Variants in RMI2 observed in about 807,000 individuals in gnomAD.
The protein encoded by RMI2 is recQ-mediated genome instability protein 2.
A neutral mutation model predicts 8.4 loss-of-function variants in RMI2; 11 were observed. The ratio of observed to expected loss-of-function variants is 1.32; its 90% CI spans 0.83 to 2.18. The LOEUF is 2.18. Ranked by LOEUF, RMI2 falls within the 30% of genes most tolerant of loss-of-function variation. The pLI is 0.00. For synonymous variants in RMI2, 105 were observed against 93.8 expected, an observed-to-expected ratio of 1.12 and a Z score of -0.69; for missense variants, 253 against 207.5, an observed-to-expected ratio of 1.22 and a Z score of -1.35.
At chr16:11,346,255 C>CTT (rs34808246) in intron 1 of RMI2, among the ~76,000 whole-genome samples, 19,406 of 114,834 alleles carry the variant, frequency 0.17, 2,209 homozygotes, top group Non-Finnish European at 0.22. Context: ...TGCCTCCTCT[C>CTT]TTTTTTTTTT....
chr16:11,348,626 TG>T (rs1274627836), intron 1 of RMI2: 1 of 150,754 alleles, frequency 6.6e-6, no homozygotes, highest in Non-Finnish European at 1.5e-5. Context: ...CAGGCAAGAG[TG>T]AGGTGGCGCA....
At chr16:11,348,303 C>T (rs1306806271) in intron 1 of RMI2, 1 of 152,272 alleles carries the variant, frequency 6.6e-6, no homozygotes, top group African/African-American at 2.4e-5. Flanking sequence ...CAACCCTTGG[C>T]CTTAGCCTTG....
In RMI2 at chr16:11,349,174, C is replaced by G. The variant is rs1165302869; in HGVS notation, c.296-1468C>G. The G allele has an allele frequency of 6.6e-6, 1 of 152,334 alleles. No individual in the cohort carries two copies. The highest frequency in any genetic ancestry group is 1.5e-5 in the Non-Finnish European group (1 of 68,092). 9.4% of individuals were successfully genotyped at this position (152,334 alleles called of 1,614,324 possible). A position where few individuals can be genotyped will look rare whatever the true frequency, so the allele number is the denominator to read the frequency against. ...TCAGAGAAACCATGCTTACCTAGAT[C>G]GCGCTTGGATCAACTGAGTTCTGGA... On this transcript the variant is annotated intron_variant, in intron 1 of 1. Transcript: ENST00000312499. This position sits in a 1 kb window ranked among gnomAD's most constrained non-coding sequence, Gnocchi z 4.2.
chr16:11,347,004 C>T (rs7206017), intron 1 of RMI2, among the ~76,000 whole-genome samples: 33,056 of 152,178 alleles, frequency 0.22, 3,781 homozygotes, highest in Non-Finnish European at 0.24. Flanking sequence ...CACATAAGTG[C>T]TCCAAGAACC....
chr16:11,347,691 G>T (rs907603331), intron 1 of RMI2, among the ~76,000 whole-genome samples: 1 of 152,144 alleles, frequency 6.6e-6, no homozygotes, highest in Non-Finnish European at 1.5e-5. Context: ...GCCCTCAGCC[G>T]CAGCGTTGGT....
chr16:11,351,760 C>A lies in RMI2; in HGVS notation c.*970C>A, dbSNP rs950531225. ...CTACCTCTAATAAATTTTTAATAGG[C>A]TGTATGAGTTTTTTTTTTTAATGGA... is the stretch of plus-strand genomic sequence containing the variant. On this transcript the variant is annotated 3_prime_UTR_variant, in exon 2 of 2. Coordinates refer to ENST00000312499, the MANE Select transcript of RMI2 (RefSeq NM_152308.3). The A allele has an allele frequency of 1.5e-5, 3 of 202,078 alleles. No individual in the cohort carries two copies. Among genetic ancestry groups the A allele is most frequent in the Non-Finnish European group, 2.0e-5 (2 of 99,606 alleles). The allele number at this position is 202,078 out of a possible 1,614,324, so 12.5% of individuals were successfully genotyped here. A position where few individuals can be genotyped will look rare whatever the true frequency, so the allele number is the denominator to read the frequency against.
rs374195615 is a variant in RMI2 at position 11,350,702 on chromosome 16, C to T, written c.356C>T (p.Ala119Val). The T allele has an allele frequency of 6.2e-7, 1 of 1,613,164 alleles. No homozygotes were observed. Among genetic ancestry groups the T allele is most frequent in the African/African-American group, 1.3e-5 (1 of 74,868 alleles). The change falls in exon 2 of 2, where the codon GCT becomes GTT. Residue 119 changes from alanine (A) to valine (V), a missense_variant. Coordinates refer to ENST00000312499, the MANE Select transcript of RMI2 (RefSeq NM_152308.3). ...QACSPEPCLQAVKMTDLSDNP... is the reference protein window; with the variant it reads ...QACSPEPCLQVVKMTDLSDNP... Reference sequence around the variant, plus strand: ...TGCAGCCCTGAGCCCTGCCTGCAGGCTGTGAAGATGACAGACCTTTCTGAT... The same window carrying T: ...TGCAGCCCTGAGCCCTGCCTGCAGGTTGTGAAGATGACAGACCTTTCTGAT...
At position 11,350,806 on chromosome 16, in the gene RMI2, T is replaced by C. The variant is rs774877059; in HGVS notation, c.*16T>C. ...TATTCCTTAGAGTATGTTGGAACTGTCGTTAAAAACAACCAAAATCCCGAA... is the reference window on the plus strand; with the variant it reads ...TATTCCTTAGAGTATGTTGGAACTGCCGTTAAAAACAACCAAAATCCCGAA... On this transcript the variant is annotated 3_prime_UTR_variant, in exon 2 of 2. Transcript: ENST00000312499. 5.0e-6 allele frequency: 8 copies of C among 1,585,022 alleles called. No homozygotes were observed. The highest frequency in any genetic ancestry group is 6.8e-6 in the Non-Finnish European group (8 of 1,168,314).
Position 11,350,947 on chromosome 16 carries a change from T to C in RMI2, c.*157T>C, listed in dbSNP as rs983013674. The C allele has an allele frequency of 3.7e-5, 21 of 568,354 alleles. No homozygotes were observed. The highest frequency in any genetic ancestry group is 3.1e-4 in the African/African-American group (16 of 51,378). 35.2% of individuals were successfully genotyped at this position (568,354 alleles called of 1,614,324 possible). On this transcript the variant is annotated 3_prime_UTR_variant, in exon 2 of 2. Coordinates refer to ENST00000312499, the MANE Select transcript of RMI2 (RefSeq NM_152308.3). The stretch of plus-strand genomic sequence containing the variant: ...ACCAAGGAGTCCGGATGTAGGAATG[T>C]TTAAATCCTCGGATACTTCAGTGAC...
rs2070970627 is a variant in RMI2, at chr16:11,351,356, C to G, written c.*566C>G. ...CCCCTGAAAGACAACAGCTCCCTTT[C>G]TGCTTCGGACACCACTCAAACATTT... is the stretch of plus-strand genomic sequence containing the variant. On this transcript the variant is annotated 3_prime_UTR_variant, in exon 2 of 2. Coordinates refer to ENST00000312499, the MANE Select transcript of RMI2 (RefSeq NM_152308.3). 1 of 232,822 alleles carries G rather than the reference C, an allele frequency of 4.3e-6. No individual in the cohort carries two copies. The highest frequency in any genetic ancestry group is 6.1e-5 in the East Asian group (1 of 16,504). The allele number at this position is 232,822 out of a possible 1,614,324, so 14.4% of individuals were successfully genotyped here.
chr16:11,346,879 C>T (rs1211757702), intron 1 of RMI2, among the ~76,000 whole-genome samples: 1 of 152,230 alleles, frequency 6.6e-6, no homozygotes, highest in Non-Finnish European at 1.5e-5. Context: ...GCCTGTACCA[C>T]CACGCCTGGT....
intron 1 of RMI2, chr16:11,348,014 G>C (rs1225685832): frequency 6.6e-6 from 1 of 152,140 alleles, no homozygotes; most frequent in Non-Finnish European, 1.5e-5. Flanking sequence ...GGAGCTCCTG[G>C]CCACCTTGGC....
chr16:11,346,552 C>T (rs1247073258), intron 1 of RMI2, among the ~76,000 whole-genome samples: 3 of 152,092 alleles, frequency 2.0e-5, no homozygotes, highest in South Asian at 2.1e-4. Flanking sequence ...TGAGCCGCTG[C>T]GCCCTGCCTG....
chr16:11,345,981 T>G (rs1400698295), intron 1 of RMI2, among the ~76,000 whole-genome samples: 1 of 152,200 alleles, frequency 6.6e-6, no homozygotes, highest in African/African-American at 2.4e-5. Flanking sequence ...GCCGTCCCTT[T>G]TACAAATACA....
At position 11,351,228 on chromosome 16, in the gene RMI2, T is replaced by G; in HGVS notation, c.*438T>G. ...TGTGGTTATGGGCAGGAAGACAGAC[T>G]GTGTAAAAAAGGAATGACATCCTGG... On this transcript the variant is annotated 3_prime_UTR_variant, in exon 2 of 2. Coordinates refer to ENST00000312499, the MANE Select transcript of RMI2 (RefSeq NM_152308.3). 4.3e-6 allele frequency: 1 copy of G among 233,556 alleles called. No individual in the cohort carries two copies. The highest frequency in any genetic ancestry group is 8.5e-6 in the Non-Finnish European group (1 of 118,244). 14.5% of individuals were successfully genotyped at this position (233,556 alleles called of 1,614,324 possible).
intron 1 of RMI2, among the ~76,000 whole-genome samples, chr16:11,350,189 A>G (rs542129040): frequency 2.0e-5 from 3 of 152,188 alleles, no homozygotes; most frequent in Non-Finnish European, 2.9e-5. Flanking sequence ...TTCTGCCCCT[A>G]CCTCAGAGCC....
chr16:11,347,942 G>C (rs1405556976), intron 1 of RMI2, among the ~76,000 whole-genome samples: 2 of 152,026 alleles, frequency 1.3e-5, no homozygotes, highest in Non-Finnish European at 2.9e-5. Context: ...CACCACACCC[G>C]GCTAATTTTT....
Position 11,345,564 on chromosome 16 carries a change from G to GCGCGA in RMI2, c.98_102dup (p.Glu35ThrfsTer32). ...TCAAGGTGCTGGCGGAGCAGCTGCG[G>GCGCGA]CGCGACGCGGAGGGCGGCCCGGGCG... is the stretch of plus-strand genomic sequence containing the variant. On this transcript the variant is annotated frameshift_variant, in exon 1 of 2. Coordinates refer to ENST00000312499, the MANE Select transcript of RMI2 (RefSeq NM_152308.3). LOFTEE classifies it high-confidence loss of function. 8.1e-7 allele frequency: 1 copy of GCGCGA among 1,229,616 alleles called. No homozygotes were observed. The highest frequency in any genetic ancestry group is 1.0e-6 in the Non-Finnish European group (1 of 987,030). The allele number at this position is 1,229,616 out of a possible 1,614,324, so 76.2% of individuals were successfully genotyped here. A position where few individuals can be genotyped will look rare whatever the true frequency, so the allele number is the denominator to read the frequency against.
Position 11,345,704 on chromosome 16 carries a change from G to T in RMI2, c.233G>T (p.Ser78Ile). ...DRGEARLRDP[S>I]GDFSVRGLER... ...GGCGAGGCTCGGCTGAGGGACCCGA[G>T]CGGGGACTTCTCGGTCCGCGGCCTG... Residue 78 changes from serine to isoleucine, a missense_variant, in exon 1 of 2, where the codon AGC becomes ATC. Physicochemically the swap from Ser to Ile is moderately radical, Grantham distance 142. Transcript: ENST00000312499. The T allele has an allele frequency of 2.4e-6, 3 of 1,262,680 alleles. No homozygotes were observed. The highest frequency in any genetic ancestry group is 3.0e-6 in the Non-Finnish European group (3 of 1,005,746). The allele number at this position is 1,262,680 out of a possible 1,614,324, so 78.2% of individuals were successfully genotyped here.
Sources: gnomAD v4.1 joint callset for allele counts (sites outside exome capture counted in the v4.1 genomes callset) on GRCh38, gnomAD v4.1.1 for gene constraint, Gnocchi (gnomAD v3.1) non-coding constraint, MANE v1.5 for transcripts, NCBI Gene and HGNC (gene_info 2026-07-23, HGNC 2026-07-21) for gene names.